The following PTPRD variants were observed in gnomAD, a reference collection of about 807,000 sequenced individuals.
PTPRD encodes protein tyrosine phosphatase receptor type D, also known as receptor-type tyrosine-protein phosphatase delta.
In PTPRD, 34 loss-of-function variants were observed where a neutral mutation model predicts 214.5. The ratio of observed to expected loss-of-function variants is 0.16; its 90% CI spans 0.12 to 0.21. The LOEUF is 0.21. Ranked by LOEUF, PTPRD falls within the 10% of genes least tolerant of loss-of-function variation. PTPRD has a pLI of 1.00. For missense variants in PTPRD, 2,545 were observed against 2,398.7 expected (o/e 1.06, Z -1.27); for synonymous variants, 1,128 against 845.7 (o/e 1.33, Z -5.79).
At chr9:8,678,825 G>A (rs1280380938) in intron 12 of PTPRD, among the ~76,000 whole-genome samples, 2 of 152,206 alleles carry the variant, frequency 1.3e-5, no homozygotes, top group African/African-American at 4.8e-5. Context: ...TAAAATTGAT[G>A]GCATGGTTTG....
chr9:8,562,960 G>T (rs1772213403), intron 14 of PTPRD, among the ~76,000 whole-genome samples: 2 of 150,020 alleles, frequency 1.3e-5, no homozygotes, highest in African/African-American at 4.9e-5. Flanking sequence ...TTTTGCATAT[G>T]GGCACCCACT....
intron 9 of PTPRD, among the ~76,000 whole-genome samples, chr9:9,344,643 A>G (rs1264598038): frequency 2.6e-5 from 4 of 152,136 alleles, no homozygotes; most frequent in South Asian, 2.1e-4. Context: ...TCTGCACCAC[A>G]ATGTTTCTGT....
chr9:9,598,356 G>C (rs181726738), intron 7 of PTPRD, among the ~76,000 whole-genome samples: 17 of 152,006 alleles, frequency 1.1e-4, no homozygotes, highest in Admixed American at 9.9e-4. Context: ...AGAGGGCAGA[G>C]AGAAGAAAAA....
intron 11 of PTPRD, among the ~76,000 whole-genome samples, chr9:8,872,896 C>A (rs751157850): frequency 1.3e-5 from 2 of 152,116 alleles, no homozygotes; most frequent in African/African-American, 2.4e-5. Flanking sequence ...ATTAGAAAAA[C>A]AAGTCATCAT....
intron 31 of PTPRD, among the ~76,000 whole-genome samples, chr9:8,470,124 G>A (rs1279074351): frequency 2.0e-5 from 3 of 152,008 alleles, no homozygotes; most frequent in African/African-American, 7.2e-5. Context: ...GGGGCGTTAC[G>A]GTTATTTGCC....
At chr9:8,818,737 T>C (rs2096976516) in intron 11 of PTPRD, among the ~76,000 whole-genome samples, 2 of 152,248 alleles carry the variant, frequency 1.3e-5, no homozygotes, top group Non-Finnish European at 2.9e-5. Context: ...ATTTAATTGT[T>C]ACTAATTAAT....
At chr9:8,813,645 T>A (rs2096861809) in intron 11 of PTPRD, among the ~76,000 whole-genome samples, 1 of 152,158 alleles carries the variant, frequency 6.6e-6, no homozygotes, top group South Asian at 2.1e-4. Flanking sequence ...AGTGCTGGGA[T>A]TACAGGTACG....
At chr9:9,978,663 T>A (rs922232223) in intron 4 of PTPRD, among the ~76,000 whole-genome samples, 1 of 152,050 alleles carries the variant, frequency 6.6e-6, no homozygotes. Context: ...TAGATGTATA[T>A]AATATATGCA....
chr9:10,190,091 G>A (rs1243783150), intron 3 of PTPRD, among the ~76,000 whole-genome samples: 2 of 152,118 alleles, frequency 1.3e-5, no homozygotes, highest in Non-Finnish European at 2.9e-5. Flanking sequence ...GTGGGGCCAG[G>A]CGCGGTGGGT....
intron 9 of PTPRD, among the ~76,000 whole-genome samples, chr9:9,309,471 G>A (rs544177129): frequency 2.6e-4 from 39 of 152,258 alleles, no homozygotes; most frequent in African/African-American, 8.9e-4. Flanking sequence ...TCATGTGCCT[G>A]CATTAAAATA....
intron 4 of PTPRD, among the ~76,000 whole-genome samples, chr9:9,949,400 T>C (rs2093190131): frequency 6.6e-6 from 1 of 152,164 alleles, no homozygotes. Context: ...ATGATGTTTT[T>C]TATTTTTAAA....
intron 4 of PTPRD, among the ~76,000 whole-genome samples, chr9:9,990,040 G>T (rs978596943): frequency 6.6e-6 from 1 of 152,192 alleles, no homozygotes; most frequent in African/African-American, 2.4e-5. Context: ...GTAACATGGG[G>T]ATCTGTCTCT....
intron 12 of PTPRD, among the ~76,000 whole-genome samples, chr9:8,714,076 C>A (rs533415939): frequency 1.3e-5 from 2 of 152,068 alleles, no homozygotes; most frequent in Non-Finnish European, 2.9e-5. Context: ...TAATGAATAA[C>A]GGCCCTAATT....
At chr9:9,845,480 G>A (rs76816498) in intron 5 of PTPRD, among the ~76,000 whole-genome samples, 8,293 of 151,484 alleles carry the variant, frequency 0.055, 256 homozygotes, top group South Asian at 0.15. Context: ...GAGCATATAC[G>A]TGTGTGTGTT....
chr9:8,912,227 C>T (rs937240094), intron 11 of PTPRD, among the ~76,000 whole-genome samples: 1 of 152,136 alleles, frequency 6.6e-6, no homozygotes, highest in African/African-American at 2.4e-5. Flanking sequence ...TAGCATTATT[C>T]TTTATAGACC....
chr9:10,167,545 G>A (rs534292751), intron 3 of PTPRD, among the ~76,000 whole-genome samples: 4 of 152,222 alleles, frequency 2.6e-5, no homozygotes, highest in Non-Finnish European at 4.4e-5. Context: ...ACTCTTTTCT[G>A]AACTGTAATT....
intron 9 of PTPRD, among the ~76,000 whole-genome samples, chr9:9,393,590 C>A (rs1372630243): frequency 6.6e-6 from 1 of 152,098 alleles, no homozygotes; most frequent in African/African-American, 2.4e-5. Context: ...TGAGGAATAA[C>A]AAATTTTTAT....
At chr9:9,720,690 C>T (rs186689629) in intron 7 of PTPRD, among the ~76,000 whole-genome samples, 41 of 152,192 alleles carry the variant, frequency 2.7e-4, no homozygotes, top group African/African-American at 9.6e-4. Flanking sequence ...CATACATACA[C>T]AGGAGTTTAA....
intron 9 of PTPRD, among the ~76,000 whole-genome samples, chr9:9,291,705 T>A (rs973417186): frequency 2.6e-5 from 4 of 151,322 alleles, no homozygotes; most frequent in African/African-American, 9.6e-5. Flanking sequence ...TAAAAATTTA[T>A]TTACTATAAT....
Sources: allele counts gnomAD v4.1 joint callset (sites outside exome capture counted in the v4.1 genomes callset), GRCh38; gene constraint gnomAD v4.1.1; transcripts MANE v1.5; gene names NCBI Gene and HGNC (gene_info 2026-07-23, HGNC 2026-07-21).